CPNE8: variants seen among roughly 807,000 people sequenced by gnomAD.
CPNE8 encodes the protein copine 8, also known as copine-8.
A neutral mutation model predicts 81.5 loss-of-function variants in CPNE8; 45 were observed. That is an observed-to-expected ratio of 0.55 (90% CI 0.44 to 0.71). The LOEUF is 0.71. CPNE8 is among the 30% of genes least tolerant of loss of function. The pLI, the probability that CPNE8 is intolerant of heterozygous loss-of-function variation, is 0.00. For synonymous variants in CPNE8, 252 were observed against 226.3 expected (o/e 1.11, Z -1.02); for missense variants, 594 against 672.1 (o/e 0.88, Z 1.28).
intron 3 of CPNE8, 72 bp downstream of exon 3, chr12:38,872,932 A>G: frequency 1.2e-6 from 1 of 847,612 alleles, no homozygotes; most frequent in South Asian, 1.5e-5. Flanking sequence ...AATAGAAAGT[A>G]TCATCTTGAT....
At chr12:38,785,209 C>A (rs969677339) in intron 6 of CPNE8, among the ~76,000 whole-genome samples, 12 of 147,942 alleles carry the variant, frequency 8.1e-5, no homozygotes, top group Non-Finnish European at 1.5e-5. Context: ...AAAAAAAGGA[C>A]CCATTAAGGA....
chr12:38,864,074 GA>G (rs1943882182), intron 3 of CPNE8, among the ~76,000 whole-genome samples: 4 of 143,410 alleles, frequency 2.8e-5, no homozygotes, highest in African/African-American at 1.0e-4. Context: ...AAAAAAAAAA[GA>G]AAAAAGAATG....
intron 16 of CPNE8, among the ~76,000 whole-genome samples, chr12:38,683,023 G>C (rs571589140): frequency 3.9e-5 from 6 of 151,992 alleles, no homozygotes; most frequent in Non-Finnish European, 7.4e-5. Flanking sequence ...GGGCTGGAAA[G>C]CCTCAAAAAA....
intron 6 of CPNE8, among the ~76,000 whole-genome samples, chr12:38,808,796 T>G (rs1438836422): frequency 1.3e-5 from 2 of 151,568 alleles, no homozygotes; most frequent in Non-Finnish European, 2.9e-5. Context: ...AAAAAAATGC[T>G]TAAAAACCAG....
chr12:38,806,002 G>A (rs1389167818), intron 6 of CPNE8, among the ~76,000 whole-genome samples: 1 of 150,262 alleles, frequency 6.7e-6, no homozygotes, highest in South Asian at 2.2e-4. Context: ...AGAAAATCTA[G>A]AAGAAATGGA....
intron 10 of CPNE8, among the ~76,000 whole-genome samples, chr12:38,740,666 G>C (rs1025318171): frequency 2.0e-5 from 3 of 152,110 alleles, no homozygotes; most frequent in Non-Finnish European, 2.9e-5. Flanking sequence ...TTTTGTCTTT[G>C]GTTTTGTTTA....
intron 3 of CPNE8, among the ~76,000 whole-genome samples, chr12:38,855,605 A>C (rs1395936215): frequency 6.6e-6 from 1 of 152,146 alleles, no homozygotes; most frequent in Admixed American, 6.5e-5. Context: ...ATGTTGATCA[A>C]AGTGTACAAA....
intron 5 of CPNE8, among the ~76,000 whole-genome samples, chr12:38,834,940 A>G (rs1288198783): frequency 6.6e-6 from 1 of 151,800 alleles, no homozygotes; most frequent in East Asian, 1.9e-4. Flanking sequence ...CAGTGGCACA[A>G]TCTCGGCTCA....
intron 1 of CPNE8, among the ~76,000 whole-genome samples, chr12:38,901,948 T>C (rs1317701532): frequency 1.3e-5 from 2 of 152,152 alleles, no homozygotes; most frequent in Non-Finnish European, 2.9e-5. Flanking sequence ...AGAGAACTTC[T>C]TTTGCATTTC....
At chr12:38,855,411 C>T (rs1183620399) in intron 3 of CPNE8, among the ~76,000 whole-genome samples, 1 of 152,100 alleles carries the variant, frequency 6.6e-6, no homozygotes, top group East Asian at 1.9e-4. Flanking sequence ...TCCCATATAG[C>T]CAAAGTAACC....
chr12:38,802,678 T>C (rs1246452900), intron 6 of CPNE8, among the ~76,000 whole-genome samples: 1 of 151,302 alleles, frequency 6.6e-6, no homozygotes, highest in African/African-American at 2.4e-5. Context: ...CTGAAGGAAA[T>C]AGAGACAAAA....
At chr12:38,879,789 C>A (rs1944124600) in intron 1 of CPNE8, among the ~76,000 whole-genome samples, 3 of 151,868 alleles carry the variant, frequency 2.0e-5, no homozygotes, top group Admixed American at 6.5e-5. Context: ...TATTTGTGAT[C>A]TTTTTAAAGT....
chr12:38,903,998 A>G (rs373177784), intron 1 of CPNE8, among the ~76,000 whole-genome samples: 7 of 152,278 alleles, frequency 4.6e-5, no homozygotes, highest in African/African-American at 1.7e-4. Context: ...CCTACCCTCA[A>G]ATAATACTTC....
At chr12:38,711,699 C>T (rs2136711090) in intron 13 of CPNE8, among the ~76,000 whole-genome samples, 1 of 152,108 alleles carries the variant, frequency 6.6e-6, no homozygotes, top group South Asian at 2.1e-4. Context: ...AAACTCCTGA[C>T]CTCAGGTGAT....
intron 3 of CPNE8, among the ~76,000 whole-genome samples, chr12:38,855,497 A>C (rs73274738): frequency 1.3e-4 from 20 of 152,282 alleles, no homozygotes; most frequent in African/African-American, 4.8e-4. Context: ...AGTTACCAAC[A>C]CAGCATGTTA....
rs147253322 is a variant in CPNE8 at position 38,732,550 on chromosome 12, T to G, written c.723-2192A>C. On this transcript the variant is annotated intron_variant, in intron 10 of 19. Transcript: ENST00000331366. Reference sequence around the variant, plus strand: ...GGACTAGGAATCTGTGTTTTTGTGCTGCCCACTTATATTTTCTGTTCTGAA... The same window carrying G: ...GGACTAGGAATCTGTGTTTTTGTGCGGCCCACTTATATTTTCTGTTCTGAA... Among the ~76,000 whole-genome samples, 711 of 152,088 alleles carry G rather than the reference T, an allele frequency of 4.7e-3. 5 individuals are homozygous for G. Among genetic ancestry groups the G allele is most frequent in the African/African-American group, 0.016 (661 of 41,566 alleles).
rs558341797 is a variant in CPNE8 at position 38,847,799 on chromosome 12, A to G, written c.290+760T>C. Among the ~76,000 whole-genome samples the G allele has an allele frequency of 1.7e-4, 26 of 152,318 alleles. No individual in the cohort carries two copies. In the East Asian group the frequency reaches 4.8e-3, roughly 28 times the overall value. Reference sequence around the variant, plus strand: ...CTTTTGTTATCAAAAAGTATTTATAAATTGTAAAAGTATGGTACATCAGAA... The same window carrying G: ...CTTTTGTTATCAAAAAGTATTTATAGATTGTAAAAGTATGGTACATCAGAA... On this transcript the variant is annotated intron_variant, in intron 4 of 19. Coordinates refer to ENST00000331366, the MANE Select transcript of CPNE8 (RefSeq NM_153634.3).
At chr12:38,657,805 G>C (rs1342058050) in intron 19 of CPNE8, among the ~76,000 whole-genome samples, 1 of 152,144 alleles carries the variant, frequency 6.6e-6, no homozygotes, top group African/African-American at 2.4e-5. Context: ...CTGCAGCTGA[G>C]GGACCTGTTA....
chr12:38,905,463 C>T lies in CPNE8; in HGVS notation c.72G>A (p.Thr24=), dbSNP rs34024109. The T allele has an allele frequency of 6.4e-7, 1 of 1,571,908 alleles. No homozygotes were observed. Among genetic ancestry groups the T allele is most frequent in the South Asian group, 1.2e-5 (1 of 85,626 alleles). The part of the protein sequence containing the change: ...LNQLSAAIPA[T]RVEVSVSCRN... ...TGCAGGACACGGACACCTCCACCCG[C>T]GTGGCCGGGATGGCAGCGCTCAGCT... is the stretch of plus-strand genomic sequence containing the variant. Residue 24 remains threonine, a synonymous_variant, in exon 1 of 20, where the codon ACG becomes ACA. Coordinates refer to ENST00000331366, the MANE Select transcript of CPNE8 (RefSeq NM_153634.3).
Sources: allele counts gnomAD v4.1 joint callset (sites outside exome capture counted in the v4.1 genomes callset), GRCh38; gene constraint gnomAD v4.1.1; transcripts MANE v1.5; gene names NCBI Gene and HGNC (gene_info 2026-07-23, HGNC 2026-07-21).